Variants in NCKAP1L observed in about 807,000 individuals in gnomAD.
NCKAP1L encodes the protein NCK associated protein 1 like.
In NCKAP1L, 53 loss-of-function variants were observed where a neutral mutation model predicts 139.2. The observed-to-expected ratio is 0.38, with a 90% CI of 0.31 to 0.48. The LOEUF (loss-of-function observed/expected upper bound fraction) is 0.48. NCKAP1L is among the 20% of genes least tolerant of loss of function. The pLI is 0.98. For synonymous variants in NCKAP1L, 468 were observed against 499.7 expected, an observed-to-expected ratio of 0.94 and a Z score of 0.85; for missense variants, 1,151 against 1,381.9, an observed-to-expected ratio of 0.83 and a Z score of 2.65.
Position 54,516,349 on chromosome 12 carries a change from C to T in NCKAP1L, c.998+54C>T, listed in dbSNP as rs1956931360. On this transcript the variant is annotated intron_variant, in intron 10 of 30. Transcript: ENST00000293373. ...AGGGGATGGAATAGGAATCTCTTCT[C>T]ACTTTTGTTCTCACCTAAGCCATCC... The T allele has an allele frequency of 1.9e-6, 3 of 1,546,840 alleles. No homozygotes were observed. In the Admixed American group the frequency reaches 5.0e-5, roughly 26 times the overall value.
Position 54,542,575 on chromosome 12 carries a change from G to A in NCKAP1L, c.3274G>A (p.Val1092Met). 1.2e-6 allele frequency: 2 copies of A among 1,611,238 alleles called. No homozygotes were observed. The highest frequency in any genetic ancestry group is 1.3e-5 in the African/African-American group (1 of 74,982). Residue 1092 changes from valine to methionine, a missense_variant and splice_region_variant, in exon 31 of 31, where the codon GTG becomes ATG. Coordinates refer to ENST00000293373, the MANE Select transcript of NCKAP1L (RefSeq NM_005337.5). ...RESISLLMRL[V>M]VEESSFLTLD... Reference sequence around the variant, plus strand: ...CATCTCTTGGCCCCATCTCTTTCAGGTGGTGGAGGAGTCATCCTTCCTGAC... The same window carrying A: ...CATCTCTTGGCCCCATCTCTTTCAGATGGTGGAGGAGTCATCCTTCCTGAC...
chr12:54,523,793 G>C, intron 19 of NCKAP1L, 32 bp from the exon 20 acceptor site: 5 of 1,603,268 alleles, frequency 3.1e-6, no homozygotes, highest in Non-Finnish European at 4.3e-6. Context: ...GGCAGTGCCA[G>C]ACCTGTAATC....
In NCKAP1L at chr12:54,520,701, C is replaced by T; in HGVS notation, c.1633C>T (p.Leu545Phe). The T allele has an allele frequency of 6.2e-7, 1 of 1,614,174 alleles. No homozygotes were observed. Among genetic ancestry groups the T allele is most frequent in the Non-Finnish European group, 8.5e-7 (1 of 1,180,024 alleles). ...TSDLSTFCFH[L>F]RIFEKMFAMT... ...CTTCCCGTTTCTCTGCAGCTTTCAT[C>T]TTCGTATCTTTGAGAAGATGTTTGC... The change falls in exon 17 of 31, where the codon CTT (leucine) becomes TTT (phenylalanine). Residue 545 changes from leucine (L) to phenylalanine (F), a missense_variant. Leu to Phe is a conservative substitution (Grantham distance 22). Transcript: ENST00000293373.
chr12:54,523,605 G>A (rs1957003958), intron 19 of NCKAP1L, 66 bp downstream of exon 19: 1 of 1,546,100 alleles, frequency 6.5e-7, no homozygotes, highest in South Asian at 1.2e-5. Context: ...AGGAAAGAGG[G>A]AAGGTGACAC....
intron 20 of NCKAP1L, among the ~76,000 whole-genome samples, chr12:54,524,245 T>C (rs2120937138): frequency 6.6e-6 from 1 of 152,356 alleles, no homozygotes; most frequent in East Asian, 1.9e-4. Context: ...CAGACCTGTG[T>C]TGACAACCTG....
Position 54,497,871 on chromosome 12 carries a change from C to T in NCKAP1L, c.82C>T (p.Arg28Cys), listed in dbSNP as rs745617849. 29 of 1,605,680 alleles carry T rather than the reference C, an allele frequency of 1.8e-5. No homozygotes were observed. Among genetic ancestry groups the T allele is most frequent in the Admixed American group, 5.0e-5 (3 of 59,988 alleles). The change falls in exon 1 of 31, where the codon CGT (arginine) becomes TGT (cysteine). Residue 28 changes from arginine to cysteine, a missense_variant. By Grantham distance (180) the Arg-to-Cys change is radical. Transcript: ENST00000293373. Reference protein sequence around the residue: ...LNDRGQGVLIRMYNIKKTCSD... With the variant: ...LNDRGQGVLICMYNIKKTCSD... ...TGATCGCGGTCAGGGGGTTCTCATC[C>T]GTATGTATAACATCAAGAAGGTAAG...
At chr12:54,533,800 A>G (rs1957092857) in intron 26 of NCKAP1L, among the ~76,000 whole-genome samples, 1 of 152,046 alleles carries the variant, frequency 6.6e-6, no homozygotes, top group Non-Finnish European at 1.5e-5. Context: ...CAACTCCTGG[A>G]CTCAAGTGAT....
At chr12:54,507,487 G>C (rs542092406) in intron 3 of NCKAP1L, among the ~76,000 whole-genome samples, 1 of 152,180 alleles carries the variant, frequency 6.6e-6, no homozygotes, top group Non-Finnish European at 1.5e-5. Context: ...GACTTACTTC[G>C]TGGTTTGTCA....
At chr12:54,528,162 T>C in intron 21 of NCKAP1L, 85 bp from the exon 22 acceptor site, 1 of 1,504,462 alleles carries the variant, frequency 6.6e-7, no homozygotes, top group Non-Finnish European at 9.0e-7. Flanking sequence ...GAGTTTTTCT[T>C]TCTGAGCTCA....
chr12:54,512,221 A>G, intron 9 of NCKAP1L, 116 bp downstream of exon 9: 8 of 1,111,030 alleles, frequency 7.2e-6, no homozygotes, highest in Non-Finnish European at 1.0e-5. Flanking sequence ...AATTCTAACT[A>G]TTGAAGAAAT....
intron 26 of NCKAP1L, 39 bp downstream of exon 26, chr12:54,532,289 T>G (rs781009397): frequency 1.3e-6 from 2 of 1,542,444 alleles, no homozygotes; most frequent in Non-Finnish European, 1.8e-6. Flanking sequence ...TTAGGAGACT[T>G]TTGTTGTTGA....
At chr12:54,533,254 A>G (rs1957087222) in intron 26 of NCKAP1L, among the ~76,000 whole-genome samples, 1 of 152,198 alleles carries the variant, frequency 6.6e-6, no homozygotes, top group African/African-American at 2.4e-5. Context: ...TCTCCTGGGT[A>G]GCTCCAATCT....
chr12:54,537,000 C>T lies in NCKAP1L; in HGVS notation c.3130C>T (p.Leu1044Phe), dbSNP rs1377544710. 3 of 1,613,818 alleles carry T rather than the reference C, an allele frequency of 1.9e-6. No individual in the cohort carries two copies. The South Asian group carries it at 3.3e-5, about 18-fold the overall frequency. ...TKAIIQVSAA[L>F]FTLYNKNIET... ...AGCCATCATCCAGGTGTCTGCTGCC[C>T]TCTTCACGCTCTACAACAAGAACAT... is the stretch of plus-strand genomic sequence containing the variant. The change falls in exon 29 of 31, where the codon CTC becomes TTC. Residue 1044 changes from leucine to phenylalanine, a missense_variant. Coordinates refer to ENST00000293373, the MANE Select transcript of NCKAP1L (RefSeq NM_005337.5).
Position 54,542,573 on chromosome 12 carries a change from A to AGGT in NCKAP1L, c.3278_3280dup. 2.5e-6 allele frequency: 4 copies of AGGT among 1,610,196 alleles called. No homozygotes were observed. The highest frequency in any genetic ancestry group is 3.4e-6 in the Non-Finnish European group (4 of 1,176,416). On this transcript the variant is annotated splice_acceptor_variant, in intron 30 of 30. Transcript: ENST00000293373. LOFTEE classifies it high-confidence loss of function. ...CTCATCTCTTGGCCCCATCTCTTTC[A>AGGT]GGTGGTGGAGGAGTCATCCTTCCTG...
At chr12:54,517,251 A>G (rs1046318938) in intron 11 of NCKAP1L, among the ~76,000 whole-genome samples, 3 of 152,178 alleles carry the variant, frequency 2.0e-5, no homozygotes, top group Non-Finnish European at 2.9e-5. Flanking sequence ...TTGGAGACAG[A>G]GCTTGTTTTT....
At chr12:54,505,659 C>T (rs553203060) in intron 3 of NCKAP1L, among the ~76,000 whole-genome samples, 35 of 98,534 alleles carry the variant, frequency 3.6e-4, no homozygotes, top group African/African-American at 1.1e-3. Flanking sequence ...TTCAGTACCC[C>T]GTCCTCCCTT....
chr12:54,520,946 A>T, intron 17 of NCKAP1L, 120 bp downstream of exon 17: 2 of 1,478,698 alleles, frequency 1.4e-6, no homozygotes, highest in South Asian at 2.3e-5. Flanking sequence ...GTATGATATG[A>T]GTCCCTAAAT....
chr12:54,499,212 C>T (rs1159799475), intron 1 of NCKAP1L, 143 bp from the exon 2 acceptor site: 7 of 568,898 alleles, frequency 1.2e-5, no homozygotes, highest in African/African-American at 3.8e-5. Flanking sequence ...GTGTGAGCCG[C>T]TGCGCCCAGC....
chr12:54,538,330 C>T (rs1330598814), intron 29 of NCKAP1L, among the ~76,000 whole-genome samples: 3 of 152,220 alleles, frequency 2.0e-5, no homozygotes, highest in Non-Finnish European at 4.4e-5. Flanking sequence ...ATCCCCCACC[C>T]TTGCCTTCCC....
Sources: gnomAD v4.1 joint callset for allele counts (sites outside exome capture counted in the v4.1 genomes callset) on GRCh38, gnomAD v4.1.1 for gene constraint, MANE v1.5 for transcripts, NCBI Gene and HGNC (gene_info 2026-07-23, HGNC 2026-07-21) for gene names.